The following TMEM97 variants were observed in gnomAD, a reference collection of about 807,000 sequenced individuals.
The protein encoded by TMEM97 is sigma intracellular receptor 2.
Under a neutral mutation model 18.3 loss-of-function variants are expected in TMEM97, and 13 were observed. That is an observed-to-expected ratio of 0.71 (90% CI 0.46 to 1.13). TMEM97 has a LOEUF of 1.13. Ranked by LOEUF, TMEM97 falls within the 50% of genes most tolerant of loss-of-function variation. The pLI, the probability that TMEM97 is intolerant of heterozygous loss-of-function variation, is 0.00. For synonymous variants in TMEM97, 76 were observed against 85.3 expected, an observed-to-expected ratio of 0.89 and a Z score of 0.60; for missense variants, 205 against 210.5, an observed-to-expected ratio of 0.97 and a Z score of 0.16.
chr17:28,323,133 G>A (rs187645851), intron 1 of TMEM97, among the ~76,000 whole-genome samples: 16 of 152,074 alleles, frequency 1.1e-4, no homozygotes, highest in East Asian at 7.8e-4. Flanking sequence ...GGTCCTACAC[G>A]CCTCACCCAT....
rs1567777757 is a variant in TMEM97 at position 28,327,521 on chromosome 17, G to GT, written c.*729dup. 2 of 152,222 alleles carry GT rather than the reference G, an allele frequency of 1.3e-5. No individual in the cohort carries two copies. Among genetic ancestry groups the GT allele is most frequent in the African/African-American group, 4.8e-5 (2 of 41,450 alleles). 9.4% of individuals were successfully genotyped at this position (152,222 alleles called of 1,614,324 possible). ...CCCTCCACTCCTGATTCTCAAGAGT[G>GT]TATCACCTGTCAGCAAAATGAATAG... On this transcript the variant is annotated 3_prime_UTR_variant, in exon 3 of 3. Coordinates refer to ENST00000226230, the MANE Select transcript of TMEM97 (RefSeq NM_014573.3).
At chr17:28,319,547 C>A in intron 1 of TMEM97, 182 bp downstream of exon 1, 1 of 673,076 alleles carries the variant, frequency 1.5e-6, no homozygotes, top group Non-Finnish European at 2.2e-6. Context: ...TGTCTCTATC[C>A]CAGCCCCTTC....
At position 28,326,708 on chromosome 17, in the gene TMEM97, C is replaced by G; in HGVS notation, c.446C>G (p.Pro149Arg). 6.2e-7 allele frequency: 1 copy of G among 1,614,114 alleles called. No homozygotes were observed. Among genetic ancestry groups the G allele is most frequent in the Non-Finnish European group, 8.5e-7 (1 of 1,180,028 alleles). ...ERLTLVSVYAPYLLIPFILLI... is the reference protein window; with the variant it reads ...ERLTLVSVYARYLLIPFILLI... ...TTAACCCTTGTGTCTGTCTATGCCC[C>G]CTACTTACTCATCCCATTCATACTT... Residue 149 changes from proline (P) to arginine (R), a missense_variant, in exon 3 of 3, where the codon CCC becomes CGC. Transcript: ENST00000226230.
At chr17:28,320,470 C>T (rs1555574823) in intron 1 of TMEM97, among the ~76,000 whole-genome samples, 1 of 152,108 alleles carries the variant, frequency 6.6e-6, no homozygotes, top group Non-Finnish European at 1.5e-5. Flanking sequence ...ATGGGAAAAG[C>T]GTAGGTAGCG....
At position 28,326,781 on chromosome 17, in the gene TMEM97, A is replaced by C. The variant is rs1555575553; in HGVS notation, c.519A>C (p.Arg173Ser). The change falls in exon 3 of 3, where the codon AGA (arginine) becomes AGC (serine). Residue 173 changes from arginine (R) to serine (S), a missense_variant. Arg to Ser is a moderately radical substitution (Grantham distance 110, BLOSUM62 -1). Coordinates refer to ENST00000226230, the MANE Select transcript of TMEM97 (RefSeq NM_014573.3). ...CCTACTACAAGTATGAAGAGAAAAG[A>C]AAAAAAAAATGAAGGAAACAACCAC... Reference protein sequence around the residue: ...RSPYYKYEEKRKKK With the variant: ...RSPYYKYEEKSKKK 6.4e-7 allele frequency: 1 copy of C among 1,552,344 alleles called. No individual in the cohort carries two copies. The highest frequency in any genetic ancestry group is 8.8e-7 in the Non-Finnish European group (1 of 1,137,262).
intron 1 of TMEM97, 60 bp downstream of exon 1, chr17:28,319,425 G>A: frequency 6.7e-7 from 1 of 1,491,978 alleles, no homozygotes; most frequent in Non-Finnish European, 8.9e-7. Context: ...CGTCCACAGG[G>A]CCTTCACCTC....
At chr17:28,324,755 C>A (rs948452503) in intron 1 of TMEM97, 2 of 152,204 alleles carry the variant, frequency 1.3e-5, no homozygotes, top group African/African-American at 2.4e-5. Flanking sequence ...CAAGCTAGAA[C>A]TGAGACGCTA....
At position 28,325,683 on chromosome 17, in the gene TMEM97, GA is replaced by G. The variant is rs782360221; in HGVS notation, c.271+39del. On this transcript the variant is annotated intron_variant, in intron 2 of 2. Transcript: ENST00000226230. ...GGTGGGAAAATCCCATTTTTACTCA[GA>G]AATCAGGTCCCAGAAATCTTTTGGG... 4.4e-5 allele frequency: 71 copies of G among 1,613,024 alleles called. 1 individual carries two copies. The Middle Eastern group carries it at 4.9e-4, about 11-fold the overall frequency.
Position 28,328,529 on chromosome 17 carries a change from C to A in TMEM97, c.*1736C>A. On this transcript the variant is annotated 3_prime_UTR_variant, in exon 3 of 3. Transcript: ENST00000226230. The stretch of plus-strand genomic sequence containing the variant: ...GTGCTGTCTTCAGGGGGCTGCATTC[C>A]TTACACGCCACCTCTTGTGACATAG... 1 of 694,352 alleles carries A rather than the reference C, an allele frequency of 1.4e-6. No individual in the cohort carries two copies. Among genetic ancestry groups the A allele is most frequent in the Non-Finnish European group, 2.5e-6 (1 of 392,936 alleles). 43.0% of individuals were successfully genotyped at this position (694,352 alleles called of 1,614,324 possible).
rs1363658276 is a variant in TMEM97, at chr17:28,327,612, A to C, written c.*819A>C. ...TTTAATGTTAATTCAAAACTATATC[A>C]ATGTTTTCTTGTTCCCACCTCTAAC... On this transcript the variant is annotated 3_prime_UTR_variant, in exon 3 of 3. Coordinates refer to ENST00000226230, the MANE Select transcript of TMEM97 (RefSeq NM_014573.3). The C allele has an allele frequency of 6.6e-6, 1 of 152,222 alleles. No individual in the cohort carries two copies. The highest frequency in any genetic ancestry group is 1.5e-5 in the Non-Finnish European group (1 of 68,038). 9.4% of individuals were successfully genotyped at this position (152,222 alleles called of 1,614,324 possible). A position where few individuals can be genotyped will look rare whatever the true frequency, so the allele number is the denominator to read the frequency against.
At chr17:28,324,747 A>C (rs1311665273) in intron 1 of TMEM97, 28 of 152,214 alleles carry the variant, frequency 1.8e-4, no homozygotes, top group African/African-American at 6.8e-4. Context: ...GTGGGGCCCA[A>C]GCTAGAACTG....
intron 2 of TMEM97, 72 bp from the exon 3 acceptor site, chr17:28,326,462 A>G: frequency 6.6e-7 from 1 of 1,524,988 alleles, no homozygotes; most frequent in Non-Finnish European, 8.9e-7. Context: ...AGGCAGAGAC[A>G]GTGGGAAGGT....
chr17:28,321,059 C>T (rs1234268170), intron 1 of TMEM97, among the ~76,000 whole-genome samples: 2 of 152,214 alleles, frequency 1.3e-5, no homozygotes, highest in Admixed American at 6.5e-5. Context: ...ATTATTCAGC[C>T]TACTACAGGG....
At chr17:28,325,759 G>A (rs551653739) in intron 2 of TMEM97, 112 bp downstream of exon 2, 1 of 1,442,052 alleles carries the variant, frequency 6.9e-7, no homozygotes, top group Non-Finnish European at 9.5e-7. Context: ...GTGGGAGAAT[G>A]CTACAGGATC....
At chr17:28,323,902 G>A (rs1567775855) in intron 1 of TMEM97, among the ~76,000 whole-genome samples, 1 of 152,174 alleles carries the variant, frequency 6.6e-6, no homozygotes, top group African/African-American at 2.4e-5. Flanking sequence ...GGAAGCTGAG[G>A]TGACAGAATC....
chr17:28,320,164 T>C (rs1220574943), intron 1 of TMEM97, among the ~76,000 whole-genome samples: 1 of 152,216 alleles, frequency 6.6e-6, no homozygotes, highest in Non-Finnish European at 1.5e-5. Context: ...TCTATAACTG[T>C]AGGCAGGACT....
In TMEM97 at chr17:28,325,605, C is replaced by A; in HGVS notation, c.229C>A (p.Gln77Lys). ...KSFLFCELVF[Q>K]LPFFPIATYA... is the part of the protein sequence containing the mutation. ...CTTTCTGTTTTGCGAGCTTGTGTTT[C>A]AGCTGCCTTTCTTTCCCATTGCAAC... Residue 77 changes from glutamine to lysine, a missense_variant, in exon 2 of 3, where the codon CAG becomes AAG. Coordinates refer to ENST00000226230, the MANE Select transcript of TMEM97 (RefSeq NM_014573.3). The A allele has an allele frequency of 6.2e-7, 1 of 1,614,222 alleles. No individual in the cohort carries two copies. The highest frequency in any genetic ancestry group is 1.1e-5 in the South Asian group (1 of 91,090).
chr17:28,320,243 G>T (rs1555574799), intron 1 of TMEM97, among the ~76,000 whole-genome samples: 1 of 151,980 alleles, frequency 6.6e-6, no homozygotes, highest in Non-Finnish European at 1.5e-5. Context: ...GCCGAGGAGG[G>T]GTTCTTTACC....
rs781943387 is a variant in TMEM97 at position 28,319,345 on chromosome 17, C to T, written c.106C>T (p.Arg36Cys). 6.2e-7 allele frequency: 1 copy of T among 1,605,690 alleles called. No homozygotes were observed. Among genetic ancestry groups the T allele is most frequent in the African/African-American group, 1.3e-5 (1 of 74,284 alleles). The change falls in exon 1 of 3, where the codon CGC becomes TGC. Residue 36 changes from arginine to cysteine, a missense_variant. Arg to Cys is a radical substitution (Grantham distance 180). Coordinates refer to ENST00000226230, the MANE Select transcript of TMEM97 (RefSeq NM_014573.3). Reference sequence around the variant, plus strand: ...CATGGACCTGCAGGCGGTGCTGCCGCGCGAGCTCTACCCAGTCGAGGTGAG... The same window carrying T: ...CATGGACCTGCAGGCGGTGCTGCCGTGCGAGCTCTACCCAGTCGAGGTGAG... ...LFMDLQAVLP[R>C]ELYPVEFRNL...
Sources: allele counts gnomAD v4.1 joint callset (sites outside exome capture counted in the v4.1 genomes callset), GRCh38; gene constraint gnomAD v4.1.1; transcripts MANE v1.5; gene names NCBI Gene and HGNC (gene_info 2026-07-23, HGNC 2026-07-21).